Variants in FAM13B observed in about 807,000 individuals in gnomAD.
The protein encoded by FAM13B is protein FAM13B.
A neutral mutation model predicts 117.3 loss-of-function variants in FAM13B; 60 were observed. The ratio of observed to expected loss-of-function variants is 0.51; its 90% CI spans 0.42 to 0.63. The LOEUF is 0.63. FAM13B is among the 30% of genes least tolerant of loss of function. FAM13B has a pLI of 0.00. For synonymous variants in FAM13B, 332 were observed against 356.1 expected (o/e 0.93, Z 0.76); for missense variants, 972 against 1,091.9 (o/e 0.89, Z 1.55).
chr5:137,985,578 G>A (rs986330165), intron 9 of FAM13B, among the ~76,000 whole-genome samples, 189 bp from the exon 10 acceptor site: 10 of 151,974 alleles, frequency 6.6e-5, no homozygotes, highest in South Asian at 4.2e-4. Context: ...TTGTCTCCTC[G>A]GGATGTTGTG....
At chr5:138,043,046 C>T (rs865978641) in intron 1 of FAM13B, among the ~76,000 whole-genome samples, 4 of 152,048 alleles carry the variant, frequency 2.6e-5, no homozygotes, top group South Asian at 4.2e-4. Context: ...GAGCTGAGAT[C>T]GTGCCACTTC....
At chr5:137,941,178 T>C (rs1761678101) in intron 23 of FAM13B, among the ~76,000 whole-genome samples, 2 of 152,056 alleles carry the variant, frequency 1.3e-5, no homozygotes, top group African/African-American at 4.8e-5. Context: ...AAAGTGCTGG[T>C]ATTACAGACG....
intron 6 of FAM13B, among the ~76,000 whole-genome samples, chr5:138,009,447 A>G (rs1404765257): frequency 6.6e-6 from 1 of 152,068 alleles, no homozygotes; most frequent in African/African-American, 2.4e-5. Context: ...GAGAGGATGT[A>G]CTTAATATCC....
intron 13 of FAM13B, among the ~76,000 whole-genome samples, chr5:137,957,625 A>G (rs1436585758): frequency 1.3e-5 from 2 of 152,138 alleles, no homozygotes; most frequent in Non-Finnish European, 2.9e-5. Context: ...AAGAAACAAC[A>G]TGGTCTACAA....
rs1491202839 is a variant in FAM13B at position 138,010,958 on chromosome 5, A to AAC, written c.690+49_690+50insGT. On this transcript the variant is annotated intron_variant, in intron 6 of 23. Coordinates refer to ENST00000689681, the MANE Select transcript of FAM13B (RefSeq NM_001385994.1). ...AAGTCTTTAAGAGCATATTATTCTT[A>AAC]AAAAAAAAAAAAAAAAAAAAAATTA... 3 of 499,318 alleles carry AAC rather than the reference A, an allele frequency of 6.0e-6. No individual in the cohort carries two copies. The African/African-American group carries it at 3.9e-4, about 64-fold the overall frequency. The allele number at this position is 499,318 out of a possible 1,614,324, so 30.9% of individuals were successfully genotyped here. A position where few individuals can be genotyped will look rare whatever the true frequency, so the allele number is the denominator to read the frequency against.
Position 137,990,449 on chromosome 5 carries a change from T to C in FAM13B, c.849-2134A>G, listed in dbSNP as rs1015755007. 2.0e-5 allele frequency among the ~76,000 whole-genome samples: 3 copies of C among 152,332 alleles called. No individual in the cohort carries two copies. The South Asian group carries it at 6.2e-4, about 32-fold the overall frequency. On this transcript the variant is annotated intron_variant, in intron 7 of 23. Coordinates refer to ENST00000689681, the MANE Select transcript of FAM13B (RefSeq NM_001385994.1). ...AGTCTGTTACTAAAGCTTTATATAATGTTTTAATTCTTGGTAGGGCTTATA... is the reference window on the plus strand; with the variant it reads ...AGTCTGTTACTAAAGCTTTATATAACGTTTTAATTCTTGGTAGGGCTTATA...
intron 1 of FAM13B, among the ~76,000 whole-genome samples, chr5:138,048,940 C>CTT (rs35414064): frequency 0.037 from 4,572 of 122,406 alleles, 124 homozygotes; most frequent in Middle Eastern, 0.062. Context: ...TGATACATTT[C>CTT]TTTTTTTTTT....
At chr5:138,004,008 C>T (rs543305865) in intron 7 of FAM13B, among the ~76,000 whole-genome samples, 2 of 152,280 alleles carry the variant, frequency 1.3e-5, no homozygotes, top group African/African-American at 4.8e-5. Flanking sequence ...GTAGCTCACA[C>T]CTGTAATCCC....
In FAM13B at chr5:137,952,684, T is replaced by C. The variant is rs1311977958; in HGVS notation, c.1874A>G (p.Asn625Ser). Residue 625 changes from asparagine to serine, a missense_variant, in exon 17 of 24, where the codon AAT (asparagine) becomes AGT (serine). Asn to Ser is a conservative substitution (Grantham distance 46). Transcript: ENST00000689681. ...SKPSYSDIAA[N>S]PKVLKWMTEL... ...TGTCATCCATTTTAATACCTTTGGA[T>C]TGGCAGCAATATCACTGTAGGAGGG... 2.5e-6 allele frequency: 4 copies of C among 1,606,282 alleles called. No individual in the cohort carries two copies. Among genetic ancestry groups the C allele is most frequent in the African/African-American group, 1.3e-5 (1 of 74,816 alleles).
chr5:137,981,077 ATTTT>A (rs56799832), intron 10 of FAM13B, among the ~76,000 whole-genome samples: 207 of 60,472 alleles, frequency 3.4e-3, no homozygotes, highest in Middle Eastern at 0.015. Context: ...ACACCTGGCT[ATTTT>A]TTTTTTTTTT....
upstream of FAM13B, chr5:138,033,083 G>C: frequency 1.0e-6 from 1 of 986,078 alleles, no homozygotes; most frequent in Non-Finnish European, 1.2e-6. Context: ...AGCGGCTGGC[G>C]GGCGGAGGCC....
rs925403377 is a variant in FAM13B at position 138,004,254 on chromosome 5, G to A, written c.848+2736C>T. ...ACTGCACTCCAGCCTGGGCAACAGA[G>A]CGCAACTCCATCTCAAAAAAAAAAA... On this transcript the variant is annotated intron_variant, in intron 7 of 23. Transcript: ENST00000689681. Among the ~76,000 whole-genome samples, 4 of 151,318 alleles carry A rather than the reference G, an allele frequency of 2.6e-5. 1 individual carries two copies. In the South Asian group the frequency reaches 8.4e-4, roughly 32 times the overall value.
In FAM13B at chr5:137,946,231, C is replaced by G; in HGVS notation, c.2241G>C (p.Arg747Ser). 1 of 1,583,636 alleles carries G rather than the reference C, an allele frequency of 6.3e-7. No individual in the cohort carries two copies. Among genetic ancestry groups the G allele is most frequent in the South Asian group, 1.2e-5 (1 of 84,110 alleles). ...TTTTTAGCAAGAGAGATATTACCGG[C>G]CTTCCATGTTGACTTTCATAGTAAA... Reference protein sequence around the residue: ...SLLYYESQHGRPVTKEERHIV... With the variant: ...SLLYYESQHGSPVTKEERHIV... The change falls in exon 19 of 24, where the codon AGG (arginine) becomes AGC (serine). Residue 747 changes from arginine to serine, a missense_variant. By Grantham distance (110) the Arg-to-Ser change is moderately radical (BLOSUM62 -1). Coordinates refer to ENST00000689681, the MANE Select transcript of FAM13B (RefSeq NM_001385994.1).
intron 9 of FAM13B, among the ~76,000 whole-genome samples, chr5:137,986,527 T>G (rs568691452): frequency 6.6e-6 from 1 of 151,612 alleles, no homozygotes; most frequent in Non-Finnish European, 1.5e-5. Flanking sequence ...ACTGAAGTAA[T>G]AGAAAACAAA....
intron 7 of FAM13B, among the ~76,000 whole-genome samples, chr5:138,002,971 G>T (rs1781662870): frequency 6.6e-6 from 1 of 151,840 alleles, no homozygotes; most frequent in South Asian, 2.1e-4. Flanking sequence ...ACCGCGCCGG[G>T]CCTGTTCCCT....
intron 12 of FAM13B, 111 bp from the exon 13 acceptor site, chr5:137,959,874 T>TA (rs1358111437): frequency 5.0e-6 from 5 of 998,586 alleles, no homozygotes; most frequent in Non-Finnish European, 7.5e-6. Flanking sequence ...ACTGTGCCTA[T>TA]ACAGCCAACT....
intron 16 of FAM13B, among the ~76,000 whole-genome samples, chr5:137,952,929 TACAG>T (rs1293089310): frequency 1.3e-5 from 2 of 152,186 alleles, no homozygotes; most frequent in African/African-American, 4.8e-5. Context: ...TGACTCCAAG[TACAG>T]GACTCTTTCC....
chr5:138,043,601 G>A (rs1264379148), intron 1 of FAM13B, among the ~76,000 whole-genome samples: 5 of 151,740 alleles, frequency 3.3e-5, no homozygotes, highest in South Asian at 2.1e-4. Flanking sequence ...CACCACGCCC[G>A]GCTGATTTTT....
chr5:138,041,843 A>G (rs1009670161), intron 1 of FAM13B, among the ~76,000 whole-genome samples: 2 of 151,902 alleles, frequency 1.3e-5, no homozygotes, highest in Admixed American at 1.3e-4. Context: ...TCAAGCCTGC[A>G]GTAAGCACCA....
Sources: allele counts gnomAD v4.1 joint callset (sites outside exome capture counted in the v4.1 genomes callset), GRCh38; gene constraint gnomAD v4.1.1; transcripts MANE v1.5; gene names NCBI Gene and HGNC (gene_info 2026-07-23, HGNC 2026-07-21).